Variants in GLIS3 observed in about 807,000 individuals in gnomAD.
GLIS3 encodes the protein GLIS family zinc finger 3.
In GLIS3, 53 loss-of-function variants were observed where a neutral mutation model predicts 78.6. That is an observed-to-expected ratio of 0.67 (90% CI 0.54 to 0.85). GLIS3 has a LOEUF of 0.85. Among genes scored for constraint, GLIS3 ranks in the 40% least tolerant of loss-of-function variants. The pLI is 0.00. For missense variants in GLIS3, 1,703 were observed against 1,231.1 expected (o/e 1.38, Z -5.74); for synonymous variants, 684 against 509.9 (o/e 1.34, Z -4.60).
the GLIS3 span, among the ~76,000 whole-genome samples, chr9:4,377,012 C>G: frequency 1.5e-5 from 2 of 135,522 alleles, 1 homozygote; most frequent in African/African-American, 5.2e-5. Context: ...AGCCCAATAA[C>G]TTGGCAGAAA....
the GLIS3 span, among the ~76,000 whole-genome samples, chr9:4,441,087 G>C: frequency 6.6e-6 from 1 of 152,090 alleles, no homozygotes; most frequent in African/African-American, 2.4e-5. Context: ...GTAAGATCAT[G>C]TTATCTGCCA....
At chr9:4,075,740 C>T (rs1827993348) in intron 4 of GLIS3, among the ~76,000 whole-genome samples, 1 of 151,968 alleles carries the variant, frequency 6.6e-6, no homozygotes, top group Non-Finnish European at 1.5e-5. Flanking sequence ...GCATAGGCAA[C>T]CTGTGATATA....
At chr9:4,445,777 C>G in the GLIS3 span, among the ~76,000 whole-genome samples, 1 of 152,198 alleles carries the variant, frequency 6.6e-6, no homozygotes, top group Non-Finnish European at 1.5e-5. Context: ...CCGAATCCTT[C>G]TCAAGTACAC....
At chr9:4,061,560 T>C (rs2130564706) in intron 4 of GLIS3, among the ~76,000 whole-genome samples, 1 of 152,234 alleles carries the variant, frequency 6.6e-6, no homozygotes, top group Admixed American at 6.5e-5. Flanking sequence ...CTCATATAAA[T>C]AGCCATAAAA....
At chr9:4,013,790 G>A (rs562593263) in intron 4 of GLIS3, among the ~76,000 whole-genome samples, 10 of 152,310 alleles carry the variant, frequency 6.6e-5, no homozygotes, top group African/African-American at 2.2e-4. Flanking sequence ...ATTGTCACAG[G>A]CAGGCTAGGT....
At chr9:3,877,279 AT>A (rs1821381152) in intron 8 of GLIS3, among the ~76,000 whole-genome samples, 2 of 152,374 alleles carry the variant, frequency 1.3e-5, no homozygotes, top group South Asian at 4.1e-4. Context: ...ATAGGAATAT[AT>A]CAGACAAGTG....
chr9:3,884,396 G>T (rs867425005), intron 7 of GLIS3, among the ~76,000 whole-genome samples: 1 of 152,130 alleles, frequency 6.6e-6, no homozygotes, highest in African/African-American at 2.4e-5. Flanking sequence ...CCCTTGTCAG[G>T]CTAAGGTATA....
the GLIS3 span, among the ~76,000 whole-genome samples, chr9:4,450,399 A>G: frequency 6.6e-6 from 1 of 152,218 alleles, no homozygotes; most frequent in African/African-American, 2.4e-5. Context: ...GATGGGGAGA[A>G]TGGAACCAAG....
At chr9:3,951,855 C>T (rs1816708008) in intron 4 of GLIS3, among the ~76,000 whole-genome samples, 2 of 144,960 alleles carry the variant, frequency 1.4e-5, no homozygotes, top group African/African-American at 5.4e-5. Context: ...CACACACACA[C>T]ACACACACAC....
At chr9:4,277,255 ATTTTAAATCAG>A (rs1474243206) in intron 2 of GLIS3, among the ~76,000 whole-genome samples, 1 of 152,198 alleles carries the variant, frequency 6.6e-6, no homozygotes, top group Non-Finnish European at 1.5e-5. Context: ...GGAAAGTAAC[ATTTTAAATCAG>A]TGTATTTTAA....
At chr9:3,895,047 C>G (rs1362675279) in intron 7 of GLIS3, among the ~76,000 whole-genome samples, 1 of 152,200 alleles carries the variant, frequency 6.6e-6, no homozygotes, top group Non-Finnish European at 1.5e-5. Context: ...TGGGACAGAT[C>G]ATCTTCCATA....
the GLIS3 span, among the ~76,000 whole-genome samples, chr9:4,465,752 A>G: frequency 6.6e-6 from 1 of 152,182 alleles, no homozygotes; most frequent in Non-Finnish European, 1.5e-5. Context: ...TTTAAATTCA[A>G]AAAAATTTTC....
At chr9:4,244,869 C>T (rs1449902727) in intron 2 of GLIS3, among the ~76,000 whole-genome samples, 1 of 152,160 alleles carries the variant, frequency 6.6e-6, no homozygotes, top group Admixed American at 6.6e-5. Flanking sequence ...AGCCACCATG[C>T]CTGACCACAA....
intron 2 of GLIS3, among the ~76,000 whole-genome samples, chr9:4,165,037 A>C (rs1045309630): frequency 6.6e-6 from 1 of 152,174 alleles, no homozygotes; most frequent in African/African-American, 2.4e-5. Context: ...AAACCCATGT[A>C]GGCTGTGTTT....
intron 1 of GLIS3, among the ~76,000 whole-genome samples, chr9:4,286,811 A>G (rs1828041930): frequency 1.3e-5 from 2 of 152,188 alleles, no homozygotes; most frequent in Non-Finnish European, 2.9e-5. Flanking sequence ...GCCAGCTTGC[A>G]AAACAAAACT....
At chr9:4,261,981 T>C (rs991338373) in intron 2 of GLIS3, among the ~76,000 whole-genome samples, 11 of 152,182 alleles carry the variant, frequency 7.2e-5, no homozygotes, top group Non-Finnish European at 1.3e-4. Flanking sequence ...AAGGGCTGTG[T>C]TCTAAAAGTT....
the GLIS3 span, among the ~76,000 whole-genome samples, chr9:4,385,557 C>A: frequency 2.8e-4 from 42 of 150,222 alleles, no homozygotes; most frequent in Admixed American, 1.6e-3. Flanking sequence ...CCCAGCTACT[C>A]GGGAGGCCGA....
chr9:3,921,651 A>G (rs990245602), intron 6 of GLIS3, among the ~76,000 whole-genome samples: 1 of 152,112 alleles, frequency 6.6e-6, no homozygotes, highest in Admixed American at 6.5e-5. Flanking sequence ...TCTATAGTAA[A>G]TTTTCTATGA....
the GLIS3 span, among the ~76,000 whole-genome samples, chr9:4,372,722 C>T: frequency 6.6e-6 from 1 of 152,126 alleles, no homozygotes; most frequent in Non-Finnish European, 1.5e-5. Context: ...ACATGATTTT[C>T]CTAAAGACTC....
Sources: allele counts gnomAD v4.1 joint callset (sites outside exome capture counted in the v4.1 genomes callset), GRCh38; gene constraint gnomAD v4.1.1; transcripts MANE v1.5; gene names NCBI Gene and HGNC (gene_info 2026-07-23, HGNC 2026-07-21).